Variants in SCML2 observed in about 807,000 individuals in gnomAD.
SCML2 encodes the protein sex comb on midleg-like protein 2.
Under a neutral mutation model 48.4 loss-of-function variants are expected in SCML2, and 6 were observed. That is an observed-to-expected ratio of 0.12 (90% confidence interval 0.07 to 0.24). The LOEUF is 0.24. SCML2 is among the 10% of genes least tolerant of loss of function. SCML2 has a pLI of 1.00. For missense variants in SCML2, 377 were observed against 528.2 expected (o/e 0.71, Z 2.81); for synonymous variants, 181 against 189.5 (o/e 0.95, Z 0.37).
At chrX:18,295,640 C>T (rs1928371032) in intron 7 of SCML2, among the ~76,000 whole-genome samples, 1 of 83,582 alleles carries the variant, frequency 1.2e-5, no homozygotes, top group African/African-American at 4.7e-5. Flanking sequence ...TCCTATCAAG[C>T]CACCTGCAAG....
intron 7 of SCML2, among the ~76,000 whole-genome samples, chrX:18,298,921 G>T (rs747846514): frequency 9.0e-6 from 1 of 110,715 alleles, no homozygotes; most frequent in Non-Finnish European, 1.9e-5. Context: ...CATAAGGCCC[G>T]AAACTATAAA....
At position 18,345,382 on chromosome X, in the gene SCML2, C is replaced by T. The variant is rs752855225; in HGVS notation, c.-25+9210G>A. Among the ~76,000 whole-genome samples the T allele has an allele frequency of 3.7e-3, 407 of 111,383 alleles. 1 individual carries two copies. The highest frequency in any genetic ancestry group is 9.2e-3 in the Middle Eastern group (2 of 217). ...ATCTAAACTATATAGAACCAGAATA[C>T]TGTGGTTTTTAAAAACAATTTTTTT... is the stretch of plus-strand genomic sequence containing the variant. On this transcript the variant is annotated intron_variant, in intron 1 of 14. Coordinates refer to ENST00000251900, the MANE Select transcript of SCML2 (RefSeq NM_006089.3).
At chrX:18,271,407 A>G (rs1448128314) in intron 7 of SCML2, among the ~76,000 whole-genome samples, 1 of 109,429 alleles carries the variant, frequency 9.1e-6, no homozygotes, top group Non-Finnish European at 1.9e-5. Flanking sequence ...CAAAAAGGCC[A>G]TCATCAAATT....
chrX:18,294,925 A>G (rs1928345236), intron 7 of SCML2, among the ~76,000 whole-genome samples: 1 of 111,174 alleles, frequency 9.0e-6, no homozygotes, highest in Non-Finnish European at 1.9e-5. Context: ...GACTCTGAGA[A>G]CAGACTCTAA....
At chrX:18,338,847 G>C (rs1294820238) in intron 1 of SCML2, among the ~76,000 whole-genome samples, 2 of 107,063 alleles carry the variant, frequency 1.9e-5, no homozygotes, top group African/African-American at 6.9e-5. Flanking sequence ...CTGGGAAGTC[G>C]AGGCTGCAGT....
At chrX:18,269,864 T>C (rs753079486) in intron 7 of SCML2, among the ~76,000 whole-genome samples, 1 of 109,771 alleles carries the variant, frequency 9.1e-6, no homozygotes. Flanking sequence ...ATGGCAACTA[T>C]AATGAAATCA....
At chrX:18,304,013 A>C (rs1409208452) in intron 7 of SCML2, among the ~76,000 whole-genome samples, 1 of 112,251 alleles carries the variant, frequency 8.9e-6, no homozygotes, top group Non-Finnish European at 1.9e-5. Context: ...AAGTATGTTT[A>C]TATTCAATCC....
intron 1 of SCML2, among the ~76,000 whole-genome samples, chrX:18,344,146 C>A (rs1468778964): frequency 9.2e-6 from 1 of 108,582 alleles, no homozygotes; most frequent in Non-Finnish European, 1.9e-5. Flanking sequence ...CCAGCCCGGG[C>A]AACATAGTGA....
intron 7 of SCML2, among the ~76,000 whole-genome samples, chrX:18,293,178 C>T (rs1169551840): frequency 9.0e-6 from 1 of 111,454 alleles, no homozygotes; most frequent in Non-Finnish European, 1.9e-5. Flanking sequence ...AAATATTTTG[C>T]TTTCAAGAAT....
chrX:18,340,476 C>T (rs1029123425), intron 1 of SCML2, among the ~76,000 whole-genome samples: 2 of 111,904 alleles, frequency 1.8e-5, no homozygotes, highest in Non-Finnish European at 3.8e-5. Flanking sequence ...TTAAGATTGA[C>T]GCTCAGGACA....
Position 18,240,431 on chromosome X carries a change from C to T in SCML2, c.*820G>A, listed in dbSNP as rs1926221613. 1 of 111,600 alleles carries T rather than the reference C, an allele frequency of 9.0e-6. No individual in the cohort carries two copies. The highest frequency in any genetic ancestry group is 1.9e-5 in the Non-Finnish European group (1 of 53,035). The allele number at this position is 111,600 out of a possible 1,213,427, so 9.2% of individuals were successfully genotyped here. On this transcript the variant is annotated 3_prime_UTR_variant, in exon 15 of 15. Coordinates refer to ENST00000251900, the MANE Select transcript of SCML2 (RefSeq NM_006089.3). ...ATATAGAGATGTAAGAAAAGAATGC[C>T]TAGTTAAATGTCCAAGCGTAGTGAA...
At chrX:18,334,756 T>C (rs1929756976) in intron 1 of SCML2, among the ~76,000 whole-genome samples, 1 of 112,017 alleles carries the variant, frequency 8.9e-6, no homozygotes, top group South Asian at 3.7e-4. Flanking sequence ...GAAATAAGCA[T>C]ATGAACAAAA....
Position 18,260,193 on chromosome X carries a change from T to G in SCML2, c.1047A>C (p.Pro349=). 1 of 1,192,415 alleles carries G rather than the reference T, an allele frequency of 8.4e-7. No individual in the cohort carries two copies. The highest frequency in any genetic ancestry group is 1.9e-5 in the South Asian group (1 of 53,349). Residue 349 remains proline, a synonymous_variant, in exon 9 of 15, where the codon CCA becomes CCC. Coordinates refer to ENST00000251900, the MANE Select transcript of SCML2 (RefSeq NM_006089.3). ...GMLYKDVASG[P]CKIVMSTVCV... ...TACCTGTAGACATCACTATTTTACA[T>G]GGCCCAGAAGCGACATCTTTATATA...
intron 3 of SCML2, among the ~76,000 whole-genome samples, chrX:18,325,683 T>C (rs752192597): frequency 1.8e-5 from 2 of 111,964 alleles, no homozygotes; most frequent in South Asian, 3.7e-4. Context: ...GCAGAGCACA[T>C]TGCCTGGCTT....
intron 7 of SCML2, among the ~76,000 whole-genome samples, chrX:18,296,715 C>T (rs543529681): frequency 9.0e-6 from 1 of 111,232 alleles, no homozygotes; most frequent in Non-Finnish European, 1.9e-5. Context: ...AATAGAAAAC[C>T]TTGACAGACC....
Position 18,241,087 on chromosome X carries a change from G to A in SCML2, c.*164C>T. The A allele has an allele frequency of 2.6e-6, 1 of 392,041 alleles. No homozygotes were observed. Among genetic ancestry groups the A allele is most frequent in the Non-Finnish European group, 3.9e-6 (1 of 256,382 alleles). The allele number at this position is 392,041 out of a possible 1,213,427, so 32.3% of individuals were successfully genotyped here. A position where few individuals can be genotyped will look rare whatever the true frequency, so the allele number is the denominator to read the frequency against. On this transcript the variant is annotated 3_prime_UTR_variant, in exon 15 of 15. Coordinates refer to ENST00000251900, the MANE Select transcript of SCML2 (RefSeq NM_006089.3). ...TCCCAAAGCTGGTTGGTGACTCCAG[G>A]AAAAAAACAAAGTTGACTGAACTGT...
chrX:18,314,199 T>C (rs1253319545), intron 6 of SCML2, among the ~76,000 whole-genome samples: 5 of 111,822 alleles, frequency 4.5e-5, no homozygotes, highest in African/African-American at 1.6e-4. Context: ...AGGCACTGTG[T>C]AATTCTAAGC....
intron 7 of SCML2, among the ~76,000 whole-genome samples, chrX:18,283,299 C>A (rs1288060181): frequency 8.9e-6 from 1 of 111,739 alleles, no homozygotes; most frequent in Non-Finnish European, 1.9e-5. Flanking sequence ...AAACATACCT[C>A]AAAATAATAA....
At position 18,241,228 on chromosome X, in the gene SCML2, C is replaced by A; in HGVS notation, c.*23G>T. The stretch of plus-strand genomic sequence containing the variant: ...TTAACAGTACACCTGAGAATTATGT[C>A]CAATCTAAACTTACACATTTTTTTA... On this transcript the variant is annotated 3_prime_UTR_variant, in exon 15 of 15. Coordinates refer to ENST00000251900, the MANE Select transcript of SCML2 (RefSeq NM_006089.3). 1 of 1,155,393 alleles carries A rather than the reference C, an allele frequency of 8.7e-7. No homozygotes were observed. Among genetic ancestry groups the A allele is most frequent in the Non-Finnish European group, 1.2e-6 (1 of 858,419 alleles).
Sources: gnomAD v4.1 joint callset for allele counts (sites outside exome capture counted in the v4.1 genomes callset) on GRCh38, gnomAD v4.1.1 for gene constraint, MANE v1.5 for transcripts, NCBI Gene and HGNC (gene_info 2026-07-23, HGNC 2026-07-21) for gene names.